Variants in DTWD2 observed in about 807,000 individuals in gnomAD.
The protein encoded by DTWD2 is DTW motif tRNA-uridine aminocarboxypropyltransferase 2, also known as tRNA-uridine aminocarboxypropyltransferase 2.
DTWD2 carries 39 observed loss-of-function variants against 31.8 expected under a neutral mutation model. The ratio of observed to expected loss-of-function variants is 1.22; its 90% CI spans 0.95 to 1.60. DTWD2 has a LOEUF of 1.60. Ranked by LOEUF, DTWD2 falls within the 40% of genes most tolerant of loss-of-function variation. DTWD2 has a pLI of 0.00. For missense variants in DTWD2, 515 were observed against 381.5 expected (o/e 1.35, Z -2.92); for synonymous variants, 180 against 142.8 (o/e 1.26, Z -1.86).
chr5:118,976,684 T>G (rs1014536976), intron 1 of DTWD2, among the ~76,000 whole-genome samples: 2 of 152,166 alleles, frequency 1.3e-5, no homozygotes, highest in African/African-American at 4.8e-5. Context: ...GTTCTGAAAT[T>G]GAGGCAGTAA....
intron 4 of DTWD2, among the ~76,000 whole-genome samples, chr5:118,860,151 G>A (rs1752227605): frequency 6.7e-6 from 1 of 149,222 alleles, no homozygotes; most frequent in South Asian, 2.1e-4. Flanking sequence ...ATAAATATAT[G>A]TTATATTAGT....
chr5:118,850,204 C>T (rs1350192109), intron 4 of DTWD2, among the ~76,000 whole-genome samples: 4 of 150,784 alleles, frequency 2.7e-5, no homozygotes, highest in Admixed American at 6.6e-5. Flanking sequence ...TGGCTCACAC[C>T]TGTAATCCCA....
chr5:118,910,376 T>C (rs1235347972), intron 4 of DTWD2, among the ~76,000 whole-genome samples: 1 of 152,236 alleles, frequency 6.6e-6, no homozygotes, highest in Non-Finnish European at 1.5e-5. Context: ...TATTACTTTA[T>C]AACAACAATA....
chr5:118,882,243 C>G (rs1428383794), intron 4 of DTWD2, among the ~76,000 whole-genome samples: 1 of 152,194 alleles, frequency 6.6e-6, no homozygotes, highest in Non-Finnish European at 1.5e-5. Context: ...TCCTTTGACT[C>G]CAGGTCTCAC....
chr5:118,947,446 A>T (rs1371734567), intron 1 of DTWD2, among the ~76,000 whole-genome samples: 2 of 152,138 alleles, frequency 1.3e-5, no homozygotes, highest in African/African-American at 4.8e-5. Flanking sequence ...GACTGTCCCG[A>T]GCTGGACTCT....
chr5:118,940,879 A>G (rs1004219673), intron 2 of DTWD2, among the ~76,000 whole-genome samples: 1 of 152,220 alleles, frequency 6.6e-6, no homozygotes, highest in African/African-American at 2.4e-5. Flanking sequence ...AAGTCAATAA[A>G]CAGTGTTTGC....
At chr5:118,947,318 C>T (rs1270582673) in intron 1 of DTWD2, among the ~76,000 whole-genome samples, 1 of 152,158 alleles carries the variant, frequency 6.6e-6, no homozygotes, top group African/African-American at 2.4e-5. Flanking sequence ...AATCAGGTCA[C>T]AGGAATGAAT....
intron 4 of DTWD2, among the ~76,000 whole-genome samples, chr5:118,870,948 T>C (rs1046693398): frequency 6.7e-6 from 1 of 149,178 alleles, no homozygotes; most frequent in East Asian, 1.9e-4. Context: ...TAATATATAA[T>C]GTACATATAA....
chr5:118,862,177 C>T (rs182828561), intron 4 of DTWD2, among the ~76,000 whole-genome samples: 168 of 152,274 alleles, frequency 1.1e-3, no homozygotes, highest in Non-Finnish European at 1.3e-3. Flanking sequence ...CTAACTAATG[C>T]CTGATGATCT....
intron 4 of DTWD2, among the ~76,000 whole-genome samples, chr5:118,891,721 A>T (rs1039829468): frequency 6.6e-6 from 1 of 152,230 alleles, no homozygotes; most frequent in African/African-American, 2.4e-5. Context: ...ACAGTCTATA[A>T]GATACACTGA....
At chr5:118,934,729 G>C (rs1316089258) in intron 3 of DTWD2, among the ~76,000 whole-genome samples, 1 of 152,054 alleles carries the variant, frequency 6.6e-6, no homozygotes, top group African/African-American at 2.4e-5. Flanking sequence ...AAGAAAACAA[G>C]TCAATAACTA....
chr5:118,945,114 T>C (rs187915832), intron 1 of DTWD2, among the ~76,000 whole-genome samples: 2 of 152,308 alleles, frequency 1.3e-5, no homozygotes, highest in Admixed American at 1.3e-4. Context: ...CATCAATCAA[T>C]ACAGAGAACT....
intron 4 of DTWD2, among the ~76,000 whole-genome samples, chr5:118,848,981 C>T (rs775372329): frequency 2.0e-5 from 3 of 152,188 alleles, no homozygotes; most frequent in Admixed American, 2.0e-4. Flanking sequence ...GACTTTATGA[C>T]TAAAACACCA....
intron 4 of DTWD2, among the ~76,000 whole-genome samples, chr5:118,881,692 G>T (rs1002265106): frequency 6.6e-6 from 1 of 152,044 alleles, no homozygotes; most frequent in South Asian, 2.1e-4. Context: ...GGAAGCAGGC[G>T]CCTCTTACAC....
chr5:118,897,682 C>G, intron 4 of DTWD2, among the ~76,000 whole-genome samples: 1 of 152,112 alleles, frequency 6.6e-6, no homozygotes, highest in East Asian at 1.9e-4. Flanking sequence ...ACAATACAGA[C>G]CATACAAACC....
intron 4 of DTWD2, among the ~76,000 whole-genome samples, chr5:118,866,621 T>C (rs1355377): frequency 0.13 from 19,827 of 152,132 alleles, 1,398 homozygotes; most frequent in Admixed American, 0.16. Flanking sequence ...TCTTCTTCAA[T>C]TAAACTACAA....
intron 5 of DTWD2, among the ~76,000 whole-genome samples, chr5:118,847,046 G>C (rs1461933903): frequency 6.6e-6 from 1 of 151,740 alleles, no homozygotes; most frequent in Non-Finnish European, 1.5e-5. Flanking sequence ...GTAGAGGAGA[G>C]GAAAAAAGTA....
chr5:118,973,255 T>A (rs567303487), intron 1 of DTWD2, among the ~76,000 whole-genome samples: 3 of 152,216 alleles, frequency 2.0e-5, no homozygotes, highest in Non-Finnish European at 4.4e-5. Flanking sequence ...CCCATTTACA[T>A]TGAAGGTTAA....
intron 1 of DTWD2, among the ~76,000 whole-genome samples, chr5:118,958,184 G>A (rs910284796): frequency 1.3e-5 from 2 of 152,052 alleles, no homozygotes; most frequent in Admixed American, 6.6e-5. Flanking sequence ...GCCAGGCGCG[G>A]TGGCTCACAC....
Sources: allele counts gnomAD v4.1 joint callset (sites outside exome capture counted in the v4.1 genomes callset), GRCh38; gene constraint gnomAD v4.1.1; transcripts MANE v1.5; gene names NCBI Gene and HGNC (gene_info 2026-07-23, HGNC 2026-07-21).